Variants in COG6 observed in about 807,000 individuals in gnomAD.
COG6 encodes the protein component of oligomeric golgi complex 6, also known as conserved oligomeric Golgi complex subunit 6.
Under a neutral mutation model 88.8 loss-of-function variants are expected in COG6, and 74 were observed. The ratio of observed to expected loss-of-function variants is 0.83; its 90% CI spans 0.69 to 1.01. The LOEUF (loss-of-function observed/expected upper bound fraction) is 1.01. Ranked by LOEUF, COG6 falls within the 50% of genes least tolerant of loss-of-function variation. The pLI, the probability that COG6 is intolerant of heterozygous loss-of-function variation, is 0.00. For missense variants in COG6, 800 were observed against 797.9 expected, an observed-to-expected ratio of 1.00 and a Z score of -0.03; for synonymous variants, 286 against 278.7, an observed-to-expected ratio of 1.03 and a Z score of -0.26.
intron 13 of COG6, among the ~76,000 whole-genome samples, chr13:39,712,287 A>G (rs928207890): frequency 6.6e-6 from 1 of 152,292 alleles, no homozygotes; most frequent in East Asian, 1.9e-4. Context: ...CCAGTTTTAG[A>G]TGAATTATTT....
intron 4 of COG6, among the ~76,000 whole-genome samples, chr13:39,665,404 T>A (rs1875188002): frequency 1.3e-5 from 2 of 152,214 alleles, no homozygotes; most frequent in African/African-American, 2.4e-5. Context: ...TATTGTTTGC[T>A]GTGGAGTTCA....
chr13:39,680,112 G>T, intron 7 of COG6, 67 bp downstream of exon 7: 3 of 898,714 alleles, frequency 3.3e-6, no homozygotes, highest in South Asian at 1.5e-5. Context: ...AATTTTACTT[G>T]GTCTTTATTT....
chr13:39,738,122 T>C (rs192726716), intron 18 of COG6, among the ~76,000 whole-genome samples: 1 of 152,300 alleles, frequency 6.6e-6, no homozygotes, highest in African/African-American at 2.4e-5. Flanking sequence ...AACCAAGTAC[T>C]ATGATTGCTC....
At position 39,709,668 on chromosome 13, in the gene COG6, A is replaced by ATGTG. The variant is rs1047142648; in HGVS notation, c.1285-9560_1285-9557dup. Among the ~76,000 whole-genome samples the ATGTG allele has an allele frequency of 2.6e-5, 4 of 152,060 alleles. No homozygotes were observed. In the East Asian group the frequency reaches 7.7e-4, roughly 29 times the overall value. On this transcript the variant is annotated intron_variant, in intron 13 of 18. Coordinates refer to ENST00000455146, the MANE Select transcript of COG6 (RefSeq NM_020751.3). ...ATGGTGTGAGTGTATGTGTATATATATGTGTGTGTGTATATGTGTGGTGTG... is the reference window on the plus strand; with the variant it reads ...ATGGTGTGAGTGTATGTGTATATATATGTGTGTGTGTGTGTATATGTGTGGTGTG...
chr13:39,663,701 A>G, intron 3 of COG6, among the ~76,000 whole-genome samples: 1 of 152,052 alleles, frequency 6.6e-6, no homozygotes, highest in East Asian at 1.9e-4. Flanking sequence ...CCTGGGCAAC[A>G]TAGCAAGACC....
rs781018266 is a variant in COG6, at chr13:39,750,956, G to A, written c.1837G>A (p.Val613Ile). The change falls in exon 19 of 19, where the codon GTA becomes ATA. Residue 613 changes from valine to isoleucine, a missense_variant. Transcript: ENST00000455146. ...LLSATVKEQI[V>I]KQSTELVCRA... ...TTTGCTTATCAATAGAGAGCAGATCGTAAAACAATCTACAGAATTAGTCTG... is the reference window on the plus strand; with the variant it reads ...TTTGCTTATCAATAGAGAGCAGATCATAAAACAATCTACAGAATTAGTCTG... The A allele has an allele frequency of 5.7e-5, 92 of 1,613,042 alleles. No homozygotes were observed. Among genetic ancestry groups the A allele is most frequent in the Non-Finnish European group, 6.0e-5 (71 of 1,179,454 alleles).
chr13:39,719,131 C>A, intron 13 of COG6, 105 bp from the exon 14 acceptor site: 1 of 1,063,386 alleles, frequency 9.4e-7, no homozygotes, highest in Non-Finnish European at 1.4e-6. Flanking sequence ...ATGTGTGAGT[C>A]TGTGCTTTAT....
intron 8 of COG6, among the ~76,000 whole-genome samples, chr13:39,683,930 A>C (rs1566178258): frequency 1.3e-5 from 2 of 152,190 alleles, no homozygotes. Context: ...GTACCTTTAT[A>C]AGCTTGTTTC....
rs916576093 is a variant in COG6, at chr13:39,733,206, T to C, written c.1826+5658T>C. Among the ~76,000 whole-genome samples, 5 of 151,262 alleles carry C rather than the reference T, an allele frequency of 3.3e-5. No individual in the cohort carries two copies. The South Asian group carries it at 1.0e-3, about 32-fold the overall frequency. ...AAAGAATTCTTTTTTTTTTTTTTTT[T>C]TGGAGACGGAGTCTTGCTGTGTCAC... On this transcript the variant is annotated intron_variant, in intron 18 of 18. Transcript: ENST00000455146.
intron 3 of COG6, chr13:39,663,912 G>A (rs1321206934): frequency 2.0e-5 from 3 of 149,816 alleles, no homozygotes; most frequent in Non-Finnish European, 3.0e-5. Flanking sequence ...AAAAAGATAA[G>A]GGATATGCAA....
rs142533024 is a variant in COG6 at position 39,710,236 on chromosome 13, G to C, written c.1285-9000G>C. On this transcript the variant is annotated intron_variant, in intron 13 of 18. Coordinates refer to ENST00000455146, the MANE Select transcript of COG6 (RefSeq NM_020751.3). The stretch of plus-strand genomic sequence containing the variant: ...TTAGATTTATTCCCAGATATTGAGT[G>C]GTTTTTTTGATGCTTTTGAAACTTA... Among the ~76,000 whole-genome samples, 1,005 of 151,870 alleles carry C rather than the reference G, an allele frequency of 6.6e-3. 12 individuals carry two copies. The highest frequency in any genetic ancestry group is 0.023 in the African/African-American group (954 of 41,450).
intron 8 of COG6, among the ~76,000 whole-genome samples, chr13:39,687,179 A>T (rs1876697634): frequency 6.6e-6 from 1 of 152,138 alleles, no homozygotes; most frequent in South Asian, 2.1e-4. Context: ...TAAAAAGTTA[A>T]GTCTTCCCAC....
chr13:39,739,276 A>G (rs1181403096), intron 18 of COG6, among the ~76,000 whole-genome samples: 3 of 152,112 alleles, frequency 2.0e-5, no homozygotes, highest in South Asian at 2.1e-4. Flanking sequence ...ATGAATGTGG[A>G]TAACTTAAGC....
At chr13:39,685,105 TA>T (rs1876562665) in intron 8 of COG6, among the ~76,000 whole-genome samples, 1 of 152,202 alleles carries the variant, frequency 6.6e-6, no homozygotes, top group South Asian at 2.1e-4. Context: ...TGCTTTTTGA[TA>T]AAAATTTTTC....
At chr13:39,721,757 A>G (rs199741244) in intron 15 of COG6, among the ~76,000 whole-genome samples, 2 of 152,018 alleles carry the variant, frequency 1.3e-5, no homozygotes, top group East Asian at 3.9e-4. Flanking sequence ...CCAATAACCT[A>G]TTATTTTTTT....
At chr13:39,702,752 T>C (rs555150672) in intron 13 of COG6, among the ~76,000 whole-genome samples, 1 of 152,238 alleles carries the variant, frequency 6.6e-6, no homozygotes, top group African/African-American at 2.4e-5. Flanking sequence ...AGATTATTTA[T>C]GGATGTTATG....
chr13:39,662,327 A>G (rs947680022), intron 3 of COG6, among the ~76,000 whole-genome samples: 1 of 151,992 alleles, frequency 6.6e-6, no homozygotes, highest in African/African-American at 2.4e-5. Flanking sequence ...GGATTTCGCC[A>G]GGTTGTCCAG....
intron 5 of COG6, 25 bp from the exon 6 acceptor site, chr13:39,679,513 T>C (rs1876179983): frequency 7.6e-7 from 1 of 1,320,906 alleles, no homozygotes; most frequent in African/African-American, 1.4e-5. Context: ...AGCATGGACA[T>C]AAAGTCACAT....
intron 5 of COG6, 68 bp from the exon 6 acceptor site, chr13:39,679,470 C>A (rs1876176368): frequency 3.5e-6 from 3 of 866,368 alleles, no homozygotes; most frequent in Non-Finnish European, 2.0e-6. Context: ...TTGGTAGTGA[C>A]CTTTCAGTTT....
Sources: gnomAD v4.1 joint callset for allele counts (sites outside exome capture counted in the v4.1 genomes callset) on GRCh38, gnomAD v4.1.1 for gene constraint, MANE v1.5 for transcripts, NCBI Gene and HGNC (gene_info 2026-07-23, HGNC 2026-07-21) for gene names.